MAP6: variants seen among roughly 807,000 people sequenced by gnomAD.
MAP6 encodes the protein microtubule-associated protein 6.
MAP6 carries 26 observed loss-of-function variants against 42.4 expected under a neutral mutation model. The observed-to-expected ratio is 0.61, with a 90% CI of 0.45 to 0.85. The LOEUF is 0.85. MAP6 is among the 40% of genes least tolerant of loss of function. The pLI is 0.00. For missense variants in MAP6, 966 were observed against 1,099.0 expected, an observed-to-expected ratio of 0.88 and a Z score of 1.71; for synonymous variants, 418 against 443.8, an observed-to-expected ratio of 0.94 and a Z score of 0.73.
chr11:75,617,737 G>C (rs1049897457), intron 1 of MAP6, among the ~76,000 whole-genome samples: 5 of 151,936 alleles, frequency 3.3e-5, no homozygotes, highest in Non-Finnish European at 7.4e-5. Flanking sequence ...AAAGAAATAA[G>C]AGATAGATGA....
At chr11:75,614,086 T>C (rs1354067410) in intron 1 of MAP6, among the ~76,000 whole-genome samples, 1 of 152,214 alleles carries the variant, frequency 6.6e-6, no homozygotes, top group Admixed American at 6.5e-5. Context: ...CTCTGTAGCA[T>C]GCACTGTGCT....
intron 1 of MAP6, among the ~76,000 whole-genome samples, chr11:75,623,708 C>CT (rs1329843446): frequency 6.6e-6 from 1 of 152,158 alleles, no homozygotes; most frequent in East Asian, 1.9e-4. Flanking sequence ...GAATAAACAC[C>CT]TTTGTCTTAC....
At chr11:75,592,001 T>C (rs1025312683) in intron 3 of MAP6, among the ~76,000 whole-genome samples, 3 of 152,274 alleles carry the variant, frequency 2.0e-5, no homozygotes, top group Admixed American at 2.0e-4. Context: ...CTCATGCGTC[T>C]GTTGCCTTAT....
chr11:75,629,107 G>C (rs1344230498), intron 1 of MAP6, among the ~76,000 whole-genome samples: 7 of 152,098 alleles, frequency 4.6e-5, no homozygotes, highest in Non-Finnish European at 8.8e-5. Context: ...TTTATTTTTT[G>C]AGACAAAGTC....
At chr11:75,599,338 A>C (rs1312276456) in intron 3 of MAP6, among the ~76,000 whole-genome samples, 2 of 152,236 alleles carry the variant, frequency 1.3e-5, no homozygotes, top group Non-Finnish European at 2.9e-5. Context: ...TCAAAATGGC[A>C]GTCTCAGATC....
chr11:75,614,207 G>A (rs1314332494), intron 1 of MAP6, among the ~76,000 whole-genome samples: 4 of 152,070 alleles, frequency 2.6e-5, no homozygotes, highest in Admixed American at 6.6e-5. Context: ...TCATGTCTAC[G>A]ACAGGGATGT....
chr11:75,642,920 C>T (rs576425858), intron 1 of MAP6: 9 of 475,236 alleles, frequency 1.9e-5, no homozygotes, highest in Non-Finnish European at 2.6e-5. Flanking sequence ...TTAGTCAGCA[C>T]AATAAATGTT....
At chr11:75,619,681 A>G (rs1565264508) in intron 1 of MAP6, among the ~76,000 whole-genome samples, 1 of 152,270 alleles carries the variant, frequency 6.6e-6, no homozygotes, top group Non-Finnish European at 1.5e-5. Context: ...TGCAAAGGAC[A>G]TAAAAAAAGA....
At chr11:75,657,021 G>A (rs938545473) in intron 1 of MAP6, among the ~76,000 whole-genome samples, 14 of 151,764 alleles carry the variant, frequency 9.2e-5, no homozygotes, top group African/African-American at 2.7e-4. Flanking sequence ...TTTGAACTTC[G>A]TATAAATGGA....
intron 1 of MAP6, among the ~76,000 whole-genome samples, chr11:75,609,252 G>T (rs1185073781): frequency 6.6e-6 from 1 of 152,210 alleles, no homozygotes; most frequent in East Asian, 1.9e-4. Context: ...GGTCTATTCT[G>T]TTTGTTAAGT....
intron 1 of MAP6, among the ~76,000 whole-genome samples, chr11:75,650,817 T>C (rs1943634305): frequency 1.3e-5 from 2 of 152,194 alleles, no homozygotes; most frequent in Non-Finnish European, 2.9e-5. Context: ...TCCCAAGCCA[T>C]TTGATCGGTC....
intron 1 of MAP6, among the ~76,000 whole-genome samples, chr11:75,664,160 T>C (rs146879365): frequency 1.3e-5 from 2 of 152,306 alleles, no homozygotes; most frequent in East Asian, 1.9e-4. Flanking sequence ...AAAATGGTAA[T>C]AAAGACATGC....
chr11:75,627,423 C>T lies in MAP6; in HGVS notation c.906-19101G>A, dbSNP rs376717145. Reference sequence around the variant, plus strand: ...TGTCAGCATCAAAGACACGCCTAAACGGCCTCTGCTCTGCACATGTGGCTG... The same window carrying T: ...TGTCAGCATCAAAGACACGCCTAAATGGCCTCTGCTCTGCACATGTGGCTG... On this transcript the variant is annotated intron_variant, in intron 1 of 3. Transcript: ENST00000304771. Among the ~76,000 whole-genome samples the T allele has an allele frequency of 2.0e-4, 31 of 152,352 alleles. No homozygotes were observed. In the South Asian group the frequency reaches 2.3e-3, roughly 11 times the overall value.
At chr11:75,649,759 T>C (rs2135675193) in intron 1 of MAP6, among the ~76,000 whole-genome samples, 1 of 152,210 alleles carries the variant, frequency 6.6e-6, no homozygotes, top group South Asian at 2.1e-4. Context: ...CAGGCTGGTC[T>C]TGAACTCCTG....
chr11:75,647,347 C>CAAAAAAAAAAAA, intron 1 of MAP6, among the ~76,000 whole-genome samples: 1 of 44,186 alleles, frequency 2.3e-5, no homozygotes, highest in Non-Finnish European at 4.3e-5. Context: ...CCCACCTGAT[C>CAAAAAAAAAAAA]AAAAAAAAAA....
chr11:75,598,627 C>A (rs903830768), intron 3 of MAP6, among the ~76,000 whole-genome samples: 2 of 152,192 alleles, frequency 1.3e-5, no homozygotes, highest in Non-Finnish European at 2.9e-5. Context: ...AGAGAAGAGC[C>A]TTGTGGAAGC....
intron 1 of MAP6, among the ~76,000 whole-genome samples, chr11:75,610,719 T>A (rs951611364): frequency 2.0e-5 from 3 of 152,076 alleles, no homozygotes; most frequent in African/African-American, 7.2e-5. Context: ...GGCAGGAGAC[T>A]GCTGTTAGGA....
intron 1 of MAP6, among the ~76,000 whole-genome samples, chr11:75,652,609 G>C (rs1229488953): frequency 6.6e-6 from 1 of 152,048 alleles, no homozygotes; most frequent in African/African-American, 2.4e-5. Context: ...AGGCCGAGGT[G>C]GGTGGATCAC....
At position 75,613,413 on chromosome 11, in the gene MAP6, C is replaced by T. The variant is rs1942939834; in HGVS notation, c.906-5091G>A. ...GAAGTAATCACAAGAAAGCCCTTCCCTTCAGTCAGCCTGGGTGTACACCAC... is the reference window on the plus strand; with the variant it reads ...GAAGTAATCACAAGAAAGCCCTTCCTTTCAGTCAGCCTGGGTGTACACCAC... On this transcript the variant is annotated intron_variant, in intron 1 of 3. Transcript: ENST00000304771. Among the ~76,000 whole-genome samples the T allele has an allele frequency of 2.6e-5, 4 of 152,230 alleles. No homozygotes were observed. The South Asian group carries it at 8.3e-4, about 32-fold the overall frequency.
Sources: allele counts gnomAD v4.1 joint callset (sites outside exome capture counted in the v4.1 genomes callset), GRCh38; gene constraint gnomAD v4.1.1; transcripts MANE v1.5; gene names NCBI Gene and HGNC (gene_info 2026-07-23, HGNC 2026-07-21).